DST: variants seen among roughly 807,000 people sequenced by gnomAD.
The protein encoded by DST is bullous pemphigoid antigen.
Under a neutral mutation model 875.2 loss-of-function variants are expected in DST, and 253 were observed. The ratio of observed to expected loss-of-function variants is 0.29; its 90% confidence interval spans 0.26 to 0.32. The LOEUF (loss-of-function observed/expected upper bound fraction) is 0.32, where lower values mean the gene tolerates loss of function less well. Ranked by LOEUF, DST falls within the 10% of genes least tolerant of loss-of-function variation. The pLI is 1.00. For synonymous variants in DST, 3,124 were observed against 3,197.1 expected (o/e 0.98, Z 0.77); for missense variants, 8,287 against 9,111.6 (o/e 0.91, Z 3.68).
chr6:56,868,733 T>G (rs1412003810), intron 3 of DST, among the ~76,000 whole-genome samples: 2 of 152,224 alleles, frequency 1.3e-5, no homozygotes, highest in Admixed American at 1.3e-4. Context: ...AAATATTCCA[T>G]GAACATTTTC....
chr6:56,935,092 G>A (rs1812322759), intron 2 of DST, among the ~76,000 whole-genome samples: 1 of 151,976 alleles, frequency 6.6e-6, no homozygotes, highest in Non-Finnish European at 1.5e-5. Context: ...TAGTTTCTCG[G>A]CGAACAGCTC....
In DST at chr6:56,631,304, G is replaced by C; in HGVS notation, c.4049C>G (p.Ala1350Gly). The C allele has an allele frequency of 6.2e-7, 1 of 1,613,930 alleles. No individual in the cohort carries two copies. The highest frequency in any genetic ancestry group is 1.1e-5 in the South Asian group (1 of 91,066). Reference sequence around the variant, plus strand: ...TCGTAGGGTAGGGACTGATGAAGAGGCTGCTGCTTGACTGAAAAACTCCTC... The same window carrying C: ...TCGTAGGGTAGGGACTGATGAAGAGCCTGCTGCTTGACTGAAAAACTCCTC... ...KCEEFFSQAA[A>G]SSSVPTLRSE... Residue 1350 changes from alanine (A) to glycine (G), a missense_variant, in exon 30 of 104, where the codon GCC becomes GGC. This residue lies in a region of DST where 3,138 missense variants were observed against 3,116.6 expected (regional missense o/e 1.01). Coordinates refer to ENST00000680361, the MANE Select transcript of DST (RefSeq NM_001374736.1).
rs747349264 is a variant in DST, at chr6:56,616,527, C to T, written c.4930-2043G>A. 3.1e-6 allele frequency: 5 copies of T among 1,614,190 alleles called. No homozygotes were observed. In the South Asian group the frequency reaches 3.3e-5, roughly 11 times the overall value. On this transcript the variant is annotated intron_variant, in intron 36 of 103. Transcript: ENST00000680361. Reference sequence around the variant, plus strand: ...GGAAACAGAAAGCATTGGGACTCTACATCAAATACACACATTCGCAGTAAT... The same window carrying T: ...GGAAACAGAAAGCATTGGGACTCTATATCAAATACACACATTCGCAGTAAT...
Position 56,640,547 on chromosome 6 carries a change from T to C in DST, c.2086A>G (p.Ser696Gly), listed in dbSNP as rs778547745. 1.4e-5 allele frequency: 22 copies of C among 1,614,112 alleles called. 1 individual carries two copies. The South Asian group carries it at 2.4e-4, about 18-fold the overall frequency. ...ALRNECSSVY[S>G]KGRILTTEQT... ...TCTGTTGTCAGTATGCGTCCTTTGC[T>C]GTACACAGAAGAACATTCGTTCCTT... is the stretch of plus-strand genomic sequence containing the variant. Residue 696 changes from serine to glycine, a missense_variant, in exon 18 of 104, where the codon AGC (serine) becomes GGC (glycine). This residue lies in a region of DST where 1,160 missense variants were observed against 1,424.3 expected (regional missense o/e 0.81). Transcript: ENST00000680361.
Position 56,821,708 on chromosome 6 carries a change from AAC to A in DST, c.625+29687_625+29688del, listed in dbSNP as rs549708458. The stretch of plus-strand genomic sequence containing the variant: ...CTTTCCTCTCTGACTGCCCTATGAA[AAC>A]AGTTTTACTAAACTGATCCAAATTT... On this transcript the variant is annotated intron_variant, in intron 4 of 103. Coordinates refer to ENST00000680361, the MANE Select transcript of DST (RefSeq NM_001374736.1). Among the ~76,000 whole-genome samples, 511 of 152,342 alleles carry A rather than the reference AAC, an allele frequency of 3.4e-3. 4 individuals are homozygous for A. Among genetic ancestry groups the A allele is most frequent in the African/African-American group, 0.012 (493 of 41,584 alleles).
intron 4 of DST, among the ~76,000 whole-genome samples, chr6:56,837,297 C>CT (rs2099794915): frequency 6.6e-6 from 1 of 152,110 alleles, no homozygotes; most frequent in African/African-American, 2.4e-5. Flanking sequence ...ACATTTCAAA[C>CT]TTTTTTGGAC....
At chr6:56,660,157 T>A (rs968986254) in intron 10 of DST, among the ~76,000 whole-genome samples, 1 of 152,210 alleles carries the variant, frequency 6.6e-6, no homozygotes, top group Admixed American at 6.5e-5. Context: ...AGGCTGGTGA[T>A]AATGAAGTTC....
At chr6:56,593,611 A>G in intron 48 of DST, 52 bp downstream of exon 48, 1 of 1,398,656 alleles carries the variant, frequency 7.1e-7, no homozygotes. Context: ...ACTATAATTG[A>G]AAACTATAAT....
intron 9 of DST, among the ~76,000 whole-genome samples, chr6:56,694,900 G>A (rs994484617): frequency 6.6e-6 from 1 of 152,202 alleles, no homozygotes; most frequent in African/African-American, 2.4e-5. Flanking sequence ...GCCGAGGCAG[G>A]TGGATCACCT....
intron 5 of DST, among the ~76,000 whole-genome samples, chr6:56,705,859 A>T (rs2152885096): frequency 6.6e-6 from 1 of 152,366 alleles, no homozygotes; most frequent in Non-Finnish European, 1.5e-5. Context: ...CCAAGTCTCC[A>T]TCTTTACAAA....
At chr6:56,572,649 T>TA in intron 52 of DST, 98 bp downstream of exon 52, 1 of 906,838 alleles carries the variant, frequency 1.1e-6, no homozygotes, top group Non-Finnish European at 1.6e-6. Flanking sequence ...TATAAGCAAT[T>TA]AAAATGATTG....
intron 5 of DST, among the ~76,000 whole-genome samples, chr6:56,723,865 C>A (rs2099431778): frequency 6.6e-6 from 1 of 152,186 alleles, no homozygotes; most frequent in Non-Finnish European, 1.5e-5. Context: ...CCAGAAAATG[C>A]TACTTTCCAA....
chr6:56,476,030 G>T, intron 92 of DST, 119 bp downstream of exon 92: 2 of 875,042 alleles, frequency 2.3e-6, no homozygotes, highest in Non-Finnish European at 3.4e-6. Context: ...GTAAGGAGCT[G>T]AGGAGTCTGA....
At chr6:56,697,944 C>T (rs370902240) in intron 9 of DST, among the ~76,000 whole-genome samples, 5 of 152,290 alleles carry the variant, frequency 3.3e-5, no homozygotes, top group East Asian at 1.9e-4. Flanking sequence ...TCTGGTTCTG[C>T]GCTTCATGCC....
Position 56,815,700 on chromosome 6 carries a change from T to C in DST, c.625+35697A>G, listed in dbSNP as rs147270913. Reference sequence around the variant, plus strand: ...AGGACACCAGGAGTGCAACTAAAGTTAAACAAGCACAGCTGACCCTGAAAG... The same window carrying C: ...AGGACACCAGGAGTGCAACTAAAGTCAAACAAGCACAGCTGACCCTGAAAG... On this transcript the variant is annotated intron_variant, in intron 4 of 103. Coordinates refer to ENST00000680361, the MANE Select transcript of DST (RefSeq NM_001374736.1). Among the ~76,000 whole-genome samples the C allele has an allele frequency of 2.8e-3, 423 of 152,236 alleles. 5 individuals carry two copies. The highest frequency in any genetic ancestry group is 0.017 in the Admixed American group (267 of 15,292).
chr6:56,505,914 A>G (rs2152467146), intron 77 of DST, among the ~76,000 whole-genome samples: 1 of 152,320 alleles, frequency 6.6e-6, no homozygotes, highest in East Asian at 1.9e-4. Context: ...GAAATTATAT[A>G]CATGGAAAAG....
At chr6:56,652,419 T>C (rs1003449168) in intron 10 of DST, among the ~76,000 whole-genome samples, 3 of 152,204 alleles carry the variant, frequency 2.0e-5, no homozygotes, top group Admixed American at 6.5e-5. Flanking sequence ...TAAGAACCTG[T>C]TGATAGCTTA....
intron 5 of DST, among the ~76,000 whole-genome samples, chr6:56,706,313 C>CA (rs201903761): frequency 0.071 from 8,416 of 119,320 alleles, 751 homozygotes; most frequent in African/African-American, 0.24. Flanking sequence ...GACTCCGTCT[C>CA]AAAAAAAAAA....
chr6:56,635,727 G>T lies in DST; in HGVS notation c.3061-13C>A. 6.2e-7 allele frequency: 1 copy of T among 1,613,062 alleles called. No individual in the cohort carries two copies. Among genetic ancestry groups the T allele is most frequent in the Non-Finnish European group, 8.5e-7 (1 of 1,179,710 alleles). Reference sequence around the variant, plus strand: ...CATCATTGAAAAACTAAGGAAAGATGAAACCTGGAAGTTAAAGTATGTTAA... The same window carrying T: ...CATCATTGAAAAACTAAGGAAAGATTAAACCTGGAAGTTAAAGTATGTTAA... On this transcript the variant is annotated splice_polypyrimidine_tract_variant and intron_variant, in intron 23 of 103. Transcript: ENST00000680361.
Sources: allele counts gnomAD v4.1 joint callset (sites outside exome capture counted in the v4.1 genomes callset), GRCh38; gene constraint gnomAD v4.1.1; regional missense constraint gnomAD v4.1.1; transcripts MANE v1.5; gene names NCBI Gene and HGNC (gene_info 2026-07-23, HGNC 2026-07-21).